CFAP46: variants seen among roughly 807,000 people sequenced by gnomAD.
CFAP46 encodes cilia and flagella associated protein 46.
A neutral mutation model predicts 325.7 loss-of-function variants in CFAP46; 245 were observed. The observed-to-expected ratio is 0.75, with a 90% confidence interval of 0.68 to 0.84. The LOEUF (loss-of-function observed/expected upper bound fraction) is 0.84, where lower values mean the gene tolerates loss of function less well. Among genes scored for constraint, CFAP46 ranks in the 40% least tolerant of loss-of-function variants. The probability of loss-of-function intolerance (pLI) is 0.00; values close to 1 mark genes in which losing one functional copy is unlikely to be tolerated. For missense variants in CFAP46, 3,346 were observed against 3,543.0 expected (o/e 0.94, Z 1.41); for synonymous variants, 1,523 against 1,495.9 (o/e 1.02, Z -0.42).
In CFAP46 at chr10:132,869,238, C is replaced by CA. The variant is rs1336273090; in HGVS notation, c.4610+35dup. ...ACCTGGCCGCACCAAGGGCGAGACT[C>CA]AAACCCCAGGCGGCGCAGGGTGGGA... On this transcript the variant is annotated intron_variant, in intron 33 of 57. Coordinates refer to ENST00000368586, the MANE Select transcript of CFAP46 (RefSeq NM_001200049.3). This position sits in a 1 kb window ranked among gnomAD's most constrained non-coding sequence, Gnocchi z 6.2. The CA allele has an allele frequency of 6.7e-7, 1 of 1,488,666 alleles. No individual in the cohort carries two copies. The highest frequency in any genetic ancestry group is 9.0e-7 in the Non-Finnish European group (1 of 1,110,784). 92.2% of individuals were successfully genotyped at this position (1,488,666 alleles called of 1,614,324 possible). A position where few individuals can be genotyped will look rare whatever the true frequency, so the allele number is the denominator to read the frequency against.
chr10:132,912,597 CCTCTCTCCT>C lies in CFAP46; in HGVS notation c.2499+49_2499+57del, dbSNP rs1480353193. On this transcript the variant is annotated intron_variant, in intron 19 of 57. Transcript: ENST00000368586. Reference sequence around the variant, plus strand: ...CACCTCTCCTCTCCTCTCTCTCTCTCCTCTCTCCTCTCTCTCTCTCTCTCTCTCTCTCTC... The same window carrying C: ...CACCTCTCCTCTCCTCTCTCTCTCTCCTCTCTCTCTCTCTCTCTCTCTCTC... 629 of 1,281,220 alleles carry C rather than the reference CCTCTCTCCT, an allele frequency of 4.9e-4. 2 individuals carry two copies. Among genetic ancestry groups the C allele is most frequent in the Middle Eastern group, 5.9e-4 (3 of 5,122 alleles). 79.4% of individuals were successfully genotyped at this position (1,281,220 alleles called of 1,614,324 possible).
At chr10:132,867,620 C>G in intron 33 of CFAP46, 113 bp from the exon 34 acceptor site, 12 of 1,317,120 alleles carry the variant, frequency 9.1e-6, no homozygotes, top group Non-Finnish European at 1.2e-5. Flanking sequence ...TCTTCACGCG[C>G]GTGTTTACAA....
In CFAP46 at chr10:132,846,907, G is replaced by A. The variant is rs1413531532; in HGVS notation, c.6267+25C>T. The A allele has an allele frequency of 6.9e-6, 11 of 1,593,084 alleles. No individual in the cohort carries two copies. The African/African-American group carries it at 1.5e-4, about 21-fold the overall frequency. ...TCCCTCCTCCATGAAGGGCCTGGCT[G>A]GAGGTGGGCAGGGCAGAGACACACC... On this transcript the variant is annotated intron_variant, in intron 43 of 57. Transcript: ENST00000368586.
chr10:132,856,381 T>G (rs769318481), intron 39 of CFAP46, among the ~76,000 whole-genome samples: 2 of 152,232 alleles, frequency 1.3e-5, no homozygotes, highest in East Asian at 1.9e-4. Context: ...TTTTATCAAA[T>G]TTGGAAAATT....
chr10:132,928,827 C>T (rs11146049), intron 9 of CFAP46, among the ~76,000 whole-genome samples: 3,561 of 152,286 alleles, frequency 0.023, 74 homozygotes, highest in Non-Finnish European at 0.026. Context: ...CTGAAAGCAT[C>T]GGCAAACCTG....
At chr10:132,836,700 G>A (rs573274491) in intron 45 of CFAP46, 117 bp downstream of exon 45, 11 of 858,702 alleles carry the variant, frequency 1.3e-5, no homozygotes, top group African/African-American at 5.1e-5. Flanking sequence ...GGCGTTTCCC[G>A]AGTCCCAGGC....
rs114543429 is a variant in CFAP46, at chr10:132,925,718, G to A, written c.1066-832C>T. ...CCCACGGAGGCAGACCCAGGAGCAA[G>A]TCCACAGCGGCATCGGCACCCGCCG... On this transcript the variant is annotated intron_variant, in intron 10 of 57. Transcript: ENST00000368586. Among the ~76,000 whole-genome samples, 1,505 of 152,380 alleles carry A rather than the reference G, an allele frequency of 9.9e-3. 25 individuals carry two copies. The highest frequency in any genetic ancestry group is 0.035 in the African/African-American group (1,441 of 41,590).
chr10:132,898,804 AC>A, intron 24 of CFAP46, 154 bp downstream of exon 24: 3 of 1,012,290 alleles, frequency 3.0e-6, no homozygotes, highest in Non-Finnish European at 4.5e-6. Context: ...GGACTTGGAG[AC>A]CCCCCTTAAC....
intron 37 of CFAP46, among the ~76,000 whole-genome samples, chr10:132,860,073 G>C (rs1040867595): frequency 6.6e-6 from 1 of 152,144 alleles, no homozygotes; most frequent in Non-Finnish European, 1.5e-5. Flanking sequence ...CTGCCGCAAG[G>C]GTTTTGTGAA....
rs987269231 is a variant in CFAP46 at position 132,941,149 on chromosome 10, G to A, written c.307-89C>T. The A allele has an allele frequency of 6.9e-6, 9 of 1,313,390 alleles. No individual in the cohort carries two copies. In the Admixed American group the frequency reaches 1.5e-4, roughly 22 times the overall value. The allele number at this position is 1,313,390 out of a possible 1,614,324, so 81.4% of individuals were successfully genotyped here. A position where few individuals can be genotyped will look rare whatever the true frequency, so the allele number is the denominator to read the frequency against. Reference sequence around the variant, plus strand: ...CGGATGCCACGGCTCCCTCACGGTTGGCCTGGTACCCCCTGTGTGTCACCT... The same window carrying A: ...CGGATGCCACGGCTCCCTCACGGTTAGCCTGGTACCCCCTGTGTGTCACCT... On this transcript the variant is annotated intron_variant, in intron 3 of 57. Transcript: ENST00000368586.
chr10:132,830,786 C>G (rs1187088791), intron 50 of CFAP46, among the ~76,000 whole-genome samples: 3 of 152,130 alleles, frequency 2.0e-5, no homozygotes, highest in African/African-American at 7.2e-5. Context: ...TTTCCTGTGT[C>G]ATAGATTTCT....
Position 132,909,993 on chromosome 10 carries a change from G to A in CFAP46, c.2575C>T (p.Leu859Phe), listed in dbSNP as rs1160068260. The change falls in exon 20 of 58, where the codon CTT becomes TTT. Residue 859 changes from leucine to phenylalanine, a missense_variant. Leu to Phe is a conservative substitution (Grantham distance 22). Transcript: ENST00000368586. Reference protein sequence around the residue: ...ETVPTGTRQQLIATWVKAKQL... With the variant: ...ETVPTGTRQQFIATWVKAKQL... ...TTGGCCTTGACCCAGGTGGCGATAA[G>A]CTGCTGCCGGGTGCCGGTGGGCACC... 6.5e-7 allele frequency: 1 copy of A among 1,543,690 alleles called. No individual in the cohort carries two copies. Among genetic ancestry groups the A allele is most frequent in the African/African-American group, 1.4e-5 (1 of 72,620 alleles).
intron 13 of CFAP46, among the ~76,000 whole-genome samples, chr10:132,921,697 G>A (rs1327314644): frequency 6.6e-6 from 1 of 152,226 alleles, no homozygotes; most frequent in African/African-American, 2.4e-5. Flanking sequence ...CCTTCCAAAG[G>A]GAGGAAACGA....
At chr10:132,829,640 C>T (rs137903972) in intron 50 of CFAP46, among the ~76,000 whole-genome samples, 6 of 152,240 alleles carry the variant, frequency 3.9e-5, no homozygotes, top group African/African-American at 1.2e-4. Flanking sequence ...TGCCAACCTG[C>T]GACGCTCAGG....
chr10:132,856,447 A>C (rs1257457119), intron 39 of CFAP46, among the ~76,000 whole-genome samples: 6 of 152,210 alleles, frequency 3.9e-5, no homozygotes, highest in Admixed American at 3.9e-4. Flanking sequence ...CTCTTCTCCC[A>C]GGATTCCAAT....
intron 24 of CFAP46, among the ~76,000 whole-genome samples, chr10:132,894,830 A>C (rs1348271980): frequency 3.3e-5 from 5 of 152,236 alleles, no homozygotes; most frequent in Non-Finnish European, 7.3e-5. Flanking sequence ...GCCTCTTAAT[A>C]AAGAAAAATC....
intron 23 of CFAP46, 109 bp downstream of exon 23, chr10:132,899,426 C>T: frequency 7.1e-7 from 1 of 1,407,734 alleles, no homozygotes; most frequent in Non-Finnish European, 9.4e-7. Flanking sequence ...CCCTCGCCGG[C>T]AGGAGCCCTC....
chr10:132,932,026 C>T (rs1849916292), intron 8 of CFAP46, among the ~76,000 whole-genome samples: 1 of 143,214 alleles, frequency 7.0e-6, no homozygotes, highest in South Asian at 2.3e-4. Flanking sequence ...GCTGGGCCTC[C>T]CCAGACTTCT....
At chr10:132,819,164 A>G (rs1022482011) in intron 50 of CFAP46, among the ~76,000 whole-genome samples, 2 of 152,230 alleles carry the variant, frequency 1.3e-5, no homozygotes, top group Non-Finnish European at 2.9e-5. Context: ...TATCATCAGA[A>G]CGAATAAAAT....
Sources: gnomAD v4.1 joint callset for allele counts (sites outside exome capture counted in the v4.1 genomes callset) on GRCh38, gnomAD v4.1.1 for gene constraint, Gnocchi (gnomAD v3.1) non-coding constraint, MANE v1.5 for transcripts, NCBI Gene and HGNC (gene_info 2026-07-23, HGNC 2026-07-21) for gene names.